The following PPM1H variants were observed in gnomAD, a reference collection of about 807,000 sequenced individuals.
PPM1H encodes the protein protein phosphatase 1H.
Under a neutral mutation model 54.9 loss-of-function variants are expected in PPM1H, and 27 were observed. That is an observed-to-expected ratio of 0.49 (90% CI 0.36 to 0.68). The LOEUF (loss-of-function observed/expected upper bound fraction) is 0.68, where lower values mean the gene tolerates loss of function less well. PPM1H is among the 30% of genes least tolerant of loss of function. PPM1H has a pLI of 0.00. For missense variants in PPM1H, 596 were observed against 667.8 expected (o/e 0.89, Z 1.19); for synonymous variants, 305 against 270.8 (o/e 1.13, Z -1.24).
chr12:62,696,318 C>CTA (rs1343252421), intron 6 of PPM1H, among the ~76,000 whole-genome samples: 1 of 152,176 alleles, frequency 6.6e-6, no homozygotes, highest in African/African-American at 2.4e-5. Flanking sequence ...TATATGTTAG[C>CTA]TTCTGCTTAT....
intron 1 of PPM1H, among the ~76,000 whole-genome samples, chr12:62,925,166 T>TA (rs1229605354): frequency 6.6e-6 from 1 of 152,174 alleles, no homozygotes; most frequent in Non-Finnish European, 1.5e-5. Flanking sequence ...TTAGACTAAT[T>TA]AAAAAAGGGG....
In PPM1H at chr12:62,871,819, A is replaced by G. The variant is rs114797412; in HGVS notation, c.246-39540T>C. 3.0e-3 allele frequency among the ~76,000 whole-genome samples: 462 copies of G among 152,236 alleles called. 3 individuals are homozygous for G. Among genetic ancestry groups the G allele is most frequent in the African/African-American group, 0.01 (435 of 41,540 alleles). On this transcript the variant is annotated intron_variant, in intron 1 of 9. Transcript: ENST00000228705. ...GTGTGAGCCACCATGCCTGGCCAAA[A>G]TTGTATATCTTAAATGGGTGAACTG...
chr12:62,808,291 C>G (rs554268691), intron 2 of PPM1H, among the ~76,000 whole-genome samples: 1 of 152,282 alleles, frequency 6.6e-6, no homozygotes, highest in East Asian at 1.9e-4. Flanking sequence ...TATAACTGCT[C>G]TAGGTCACCA....
At chr12:62,734,132 A>G (rs977551753) in intron 5 of PPM1H, among the ~76,000 whole-genome samples, 4 of 142,522 alleles carry the variant, frequency 2.8e-5, no homozygotes, top group African/African-American at 1.0e-4. Context: ...TGCCACATGA[A>G]TTTTTTTTTT....
intron 2 of PPM1H, 49 bp downstream of exon 2, chr12:62,832,065 T>C (rs764384070): frequency 2.5e-6 from 4 of 1,585,986 alleles, no homozygotes; most frequent in African/African-American, 1.3e-5. Flanking sequence ...GGGACCAAAG[T>C]GTGTGCCATT....
chr12:62,788,106 T>A (rs1343578935), intron 4 of PPM1H, 120 bp downstream of exon 4: 1 of 716,588 alleles, frequency 1.4e-6, no homozygotes, highest in Non-Finnish European at 2.3e-6. Context: ...CTTAAATGCA[T>A]TTTCATTCTG....
intron 2 of PPM1H, among the ~76,000 whole-genome samples, chr12:62,806,984 A>G (rs1782211046): frequency 6.6e-6 from 1 of 152,198 alleles, no homozygotes; most frequent in Non-Finnish European, 1.5e-5. Context: ...GGACATGAGG[A>G]CTAGGCTGAG....
chr12:62,672,338 CA>C (rs1365677053), intron 8 of PPM1H, among the ~76,000 whole-genome samples: 1 of 152,194 alleles, frequency 6.6e-6, no homozygotes, highest in Non-Finnish European at 1.5e-5. Context: ...CTGATCACAA[CA>C]AAGGAGACAG....
intron 1 of PPM1H, among the ~76,000 whole-genome samples, chr12:62,879,401 G>A (rs1183517958): frequency 1.3e-5 from 2 of 152,086 alleles, no homozygotes; most frequent in Non-Finnish European, 2.9e-5. Context: ...AGAAAATATG[G>A]CACATATATA....
intron 6 of PPM1H, among the ~76,000 whole-genome samples, chr12:62,717,757 CT>C (rs1427846061): frequency 6.6e-6 from 1 of 152,196 alleles, no homozygotes; most frequent in African/African-American, 2.4e-5. Context: ...ACACATTCTA[CT>C]TACAAAGAGA....
At chr12:62,770,781 T>G (rs1052354692) in intron 4 of PPM1H, among the ~76,000 whole-genome samples, 1 of 152,100 alleles carries the variant, frequency 6.6e-6, no homozygotes, top group Admixed American at 6.6e-5. Context: ...ATTGCACGAA[T>G]CCAATTTTTG....
chr12:62,861,637 T>A lies in PPM1H; in HGVS notation c.246-29358A>T, dbSNP rs184865588. 2.1e-3 allele frequency among the ~76,000 whole-genome samples: 326 copies of A among 152,342 alleles called. 1 individual carries two copies. The highest frequency in any genetic ancestry group is 7.5e-3 in the African/African-American group (310 of 41,580). On this transcript the variant is annotated intron_variant, in intron 1 of 9. Transcript: ENST00000228705. Reference sequence around the variant, plus strand: ...GTTTAATTCCAGAACAGAAGCCATATGGTTATAGAGAAAGAGGCAGGTGAG... The same window carrying A: ...GTTTAATTCCAGAACAGAAGCCATAAGGTTATAGAGAAAGAGGCAGGTGAG...
At chr12:62,880,953 T>TGA (rs371292844) in intron 1 of PPM1H, among the ~76,000 whole-genome samples, 9 of 152,150 alleles carry the variant, frequency 5.9e-5, no homozygotes, top group African/African-American at 1.7e-4. Flanking sequence ...GCAGGATACA[T>TGA]GATGGTCCAC....
rs181930432 is a variant in PPM1H, at chr12:62,774,374, A to G, written c.869+13852T>C. On this transcript the variant is annotated intron_variant, in intron 4 of 9. Transcript: ENST00000228705. Reference sequence around the variant, plus strand: ...ACCTTTCTTTCTTTCCTTTTTTGAGATATTTTTGTCAGGCTGGAGTGCAGT... The same window carrying G: ...ACCTTTCTTTCTTTCCTTTTTTGAGGTATTTTTGTCAGGCTGGAGTGCAGT... 4.3e-3 allele frequency among the ~76,000 whole-genome samples: 661 copies of G among 152,044 alleles called. 3 individuals carry two copies. Among genetic ancestry groups the G allele is most frequent in the Non-Finnish European group, 6.2e-3 (421 of 67,970 alleles).
intron 3 of PPM1H, among the ~76,000 whole-genome samples, chr12:62,796,136 AAC>A (rs2076732924): frequency 6.6e-6 from 1 of 152,222 alleles, no homozygotes. Context: ...TAGTGAAAAC[AAC>A]ACAAACTGTT....
intron 1 of PPM1H, among the ~76,000 whole-genome samples, chr12:62,842,409 T>C (rs1868786569): frequency 6.6e-6 from 1 of 152,202 alleles, no homozygotes; most frequent in Non-Finnish European, 1.5e-5. Context: ...TTCAAATGTG[T>C]AATTTAAAAA....
chr12:62,874,814 GC>G (rs1410480429), intron 1 of PPM1H, among the ~76,000 whole-genome samples: 1 of 152,192 alleles, frequency 6.6e-6, no homozygotes, highest in African/African-American at 2.4e-5. Context: ...TAGCTTCCGT[GC>G]TTTATGTTAA....
Position 62,656,409 on chromosome 12 carries a change from T to G in PPM1H, c.1398-7773A>C, listed in dbSNP as rs369995244. Reference sequence around the variant, plus strand: ...GGTCAATAAGTGTTAGTTATGTTCCTTATTAGATATTAAATGCCTTTCTCC... The same window carrying G: ...GGTCAATAAGTGTTAGTTATGTTCCGTATTAGATATTAAATGCCTTTCTCC... On this transcript the variant is annotated intron_variant, in intron 9 of 9. Coordinates refer to ENST00000228705, the MANE Select transcript of PPM1H (RefSeq NM_020700.2). Among the ~76,000 whole-genome samples the G allele has an allele frequency of 2.6e-5, 4 of 152,248 alleles. No individual in the cohort carries two copies. In the East Asian group the frequency reaches 5.8e-4, roughly 22 times the overall value.
chr12:62,682,783 C>T (rs1038819393), intron 8 of PPM1H, among the ~76,000 whole-genome samples: 2 of 152,028 alleles, frequency 1.3e-5, no homozygotes, highest in African/African-American at 4.8e-5. Context: ...AGATGATAGG[C>T]GTGAGTCACT....
Sources: gnomAD v4.1 joint callset for allele counts (sites outside exome capture counted in the v4.1 genomes callset) on GRCh38, gnomAD v4.1.1 for gene constraint, MANE v1.5 for transcripts, NCBI Gene and HGNC (gene_info 2026-07-23, HGNC 2026-07-21) for gene names.